Variants in KCNJ3 observed in about 807,000 individuals in gnomAD.
KCNJ3 encodes potassium inwardly rectifying channel subfamily J member 3, also known as G protein-activated inward rectifier potassium channel 1.
KCNJ3 carries 4 observed loss-of-function variants against 39.2 expected under a neutral mutation model. The observed-to-expected ratio is 0.10, with a 90% CI of 0.05 to 0.23. KCNJ3 has a LOEUF of 0.23. Ranked by LOEUF, KCNJ3 falls within the 10% of genes least tolerant of loss-of-function variation. The pLI, the probability that KCNJ3 is intolerant of heterozygous loss-of-function variation, is 1.00. For missense variants in KCNJ3, 276 were observed against 634.9 expected (o/e 0.43, Z 6.08); for synonymous variants, 230 against 237.4 (o/e 0.97, Z 0.29).
intron 2 of KCNJ3, among the ~76,000 whole-genome samples, chr2:154,719,846 C>T (rs1054383654): frequency 3.9e-5 from 6 of 152,010 alleles, no homozygotes; most frequent in Non-Finnish European, 8.8e-5. Context: ...TGGATAAGGG[C>T]TGAGGTCCAG....
chr2:154,785,553 T>C (rs946057822), intron 2 of KCNJ3, among the ~76,000 whole-genome samples: 1 of 152,172 alleles, frequency 6.6e-6, no homozygotes, highest in African/African-American at 2.4e-5. Context: ...TGTTAGTTAC[T>C]AGGGGAGTGG....
intron 2 of KCNJ3, among the ~76,000 whole-genome samples, chr2:154,723,847 A>G (rs1316724080): frequency 2.2e-4 from 34 of 152,158 alleles, no homozygotes; most frequent in Non-Finnish European, 1.5e-4. Context: ...TTGTGTTCAA[A>G]ACATAGTCTT....
In KCNJ3 at chr2:154,806,043, C is replaced by T. The variant is rs200880528; in HGVS notation, c.920-48684C>T. 4.6e-5 allele frequency among the ~76,000 whole-genome samples: 7 copies of T among 152,174 alleles called. No homozygotes were observed. In the East Asian group the frequency reaches 1.4e-3, roughly 29 times the overall value. On this transcript the variant is annotated intron_variant, in intron 2 of 2. Transcript: ENST00000295101. The stretch of plus-strand genomic sequence containing the variant: ...TTTTGTCAAATTATAAAGATATATT[C>T]CATTTGTTTTTTGAAAACGAGTGAG...
At chr2:154,738,389 T>A (rs1020790513) in intron 2 of KCNJ3, among the ~76,000 whole-genome samples, 1 of 152,068 alleles carries the variant, frequency 6.6e-6, no homozygotes, top group Non-Finnish European at 1.5e-5. Flanking sequence ...AATAACTTAA[T>A]TGCACATTTT....
intron 2 of KCNJ3, among the ~76,000 whole-genome samples, chr2:154,750,980 G>A (rs756231575): frequency 6.6e-5 from 10 of 151,798 alleles, no homozygotes; most frequent in South Asian, 4.2e-4. Flanking sequence ...AAAACACTTC[G>A]TTATCTATAT....
intron 2 of KCNJ3, among the ~76,000 whole-genome samples, chr2:154,722,955 T>C (rs1251860767): frequency 2.0e-5 from 3 of 152,094 alleles, no homozygotes; most frequent in African/African-American, 7.2e-5. Context: ...ATATTTAAGA[T>C]GGTAAAACAG....
chr2:154,820,299 A>T (rs1687150426), intron 2 of KCNJ3, among the ~76,000 whole-genome samples: 1 of 152,132 alleles, frequency 6.6e-6, no homozygotes, highest in Admixed American at 6.5e-5. Context: ...TACATTCTGA[A>T]TTTTTTGTGT....
intron 2 of KCNJ3, among the ~76,000 whole-genome samples, chr2:154,773,878 C>G (rs1237283423): frequency 6.6e-6 from 1 of 152,082 alleles, no homozygotes; most frequent in Non-Finnish European, 1.5e-5. Context: ...TTTTTCTTTA[C>G]AAATGTATTA....
At chr2:154,745,193 T>C (rs1469482234) in intron 2 of KCNJ3, among the ~76,000 whole-genome samples, 2 of 151,966 alleles carry the variant, frequency 1.3e-5, no homozygotes, top group Admixed American at 6.6e-5. Flanking sequence ...TAAACATGTA[T>C]TTGATGTTAA....
intron 2 of KCNJ3, among the ~76,000 whole-genome samples, chr2:154,761,438 A>T (rs1233746080): frequency 6.6e-6 from 1 of 152,016 alleles, no homozygotes; most frequent in Admixed American, 6.6e-5. Flanking sequence ...TTGTCATTTG[A>T]TCTCTTGTGT....
chr2:154,831,393 A>G (rs548862727), intron 2 of KCNJ3, among the ~76,000 whole-genome samples: 2 of 152,350 alleles, frequency 1.3e-5, no homozygotes, highest in South Asian at 4.1e-4. Context: ...AAATATTAAT[A>G]ATTACGGTAG....
chr2:154,775,894 T>C (rs1246683121), intron 2 of KCNJ3, among the ~76,000 whole-genome samples: 1 of 152,224 alleles, frequency 6.6e-6, no homozygotes, highest in African/African-American at 2.4e-5. Flanking sequence ...CAAAAATTCT[T>C]TCCAAAATAC....
At chr2:154,746,600 G>A (rs531527278) in intron 2 of KCNJ3, among the ~76,000 whole-genome samples, 31 of 138,416 alleles carry the variant, frequency 2.2e-4, no homozygotes, top group East Asian at 8.3e-4. Flanking sequence ...GTGTGTGTGC[G>A]TATACACAGA....
chr2:154,799,060 T>C (rs530040704), intron 2 of KCNJ3, among the ~76,000 whole-genome samples: 1 of 152,090 alleles, frequency 6.6e-6, no homozygotes, highest in Non-Finnish European at 1.5e-5. Flanking sequence ...GGTAGATCTG[T>C]GAGAATTACG....
intron 2 of KCNJ3, among the ~76,000 whole-genome samples, chr2:154,802,823 T>C (rs1320779632): frequency 6.6e-6 from 1 of 152,148 alleles, no homozygotes; most frequent in Non-Finnish European, 1.5e-5. Flanking sequence ...ACGGATAATT[T>C]ATTGACTTTT....
At chr2:154,851,601 A>C (rs1687756681) in intron 2 of KCNJ3, among the ~76,000 whole-genome samples, 1 of 152,234 alleles carries the variant, frequency 6.6e-6, no homozygotes, top group African/African-American at 2.4e-5. Context: ...AGCCAGATTC[A>C]TAAACTTTTA....
intron 2 of KCNJ3, among the ~76,000 whole-genome samples, chr2:154,844,531 G>A (rs1443118296): frequency 6.6e-6 from 1 of 152,212 alleles, no homozygotes; most frequent in Non-Finnish European, 1.5e-5. Flanking sequence ...GCTGCCTTTT[G>A]TTCAGCTATG....
chr2:154,852,017 A>ATTGT (rs1019902213), intron 2 of KCNJ3, among the ~76,000 whole-genome samples: 85 of 152,312 alleles, frequency 5.6e-4, no homozygotes, highest in African/African-American at 1.9e-3. Context: ...TTACTTTGTG[A>ATTGT]TTGTTAGAAA....
chr2:154,768,955 A>ATGGGAGTTCACTCATGAT (rs1406580060), intron 2 of KCNJ3, among the ~76,000 whole-genome samples: 1 of 152,092 alleles, frequency 6.6e-6, no homozygotes, highest in Non-Finnish European at 1.5e-5. Context: ...GTAATTGTGA[A>ATGGGAGTTCACTCATGAT]TGGGAGTTCA....
Sources: allele counts gnomAD v4.1 joint callset (sites outside exome capture counted in the v4.1 genomes callset), GRCh38; gene constraint gnomAD v4.1.1; transcripts MANE v1.5; gene names NCBI Gene and HGNC (gene_info 2026-07-23, HGNC 2026-07-21).